The following ATRX variants were observed in gnomAD, a reference collection of about 807,000 sequenced individuals.
The protein encoded by ATRX is chromatin remodeler ATRX.
A neutral mutation model predicts 172.6 loss-of-function variants in ATRX; 12 were observed. The observed-to-expected ratio is 0.07, with a 90% confidence interval of 0.04 to 0.11. ATRX has a LOEUF of 0.11. ATRX is among the 10% of genes least tolerant of loss of function. The pLI, the probability that ATRX is intolerant of heterozygous loss-of-function variation, is 1.00. For missense variants in ATRX, 1,368 were observed against 1,767.4 expected, an observed-to-expected ratio of 0.77 and a Z score of 4.05; for synonymous variants, 674 against 594.7, an observed-to-expected ratio of 1.13 and a Z score of -1.94.
At position 77,504,888 on chromosome X, in the gene ATRX, A is replaced by T. The variant is rs1489500957; in HGVS notation, c.*3463T>A. ...AGCTTTGACACAGTATATATTTCGG[A>T]TTTAAAACTTTATTCACCCCATATA... On this transcript the variant is annotated 3_prime_UTR_variant, in exon 35 of 35. Coordinates refer to ENST00000373344, the MANE Select transcript of ATRX (RefSeq NM_000489.6). The T allele has an allele frequency of 1.4e-5, 2 of 145,769 alleles. No individual in the cohort carries two copies. Among genetic ancestry groups the T allele is most frequent in the Non-Finnish European group, 2.7e-5 (2 of 73,807 alleles). The allele number at this position is 145,769 out of a possible 1,213,427, so 12.0% of individuals were successfully genotyped here.
chrX:77,654,009 T>C, intron 14 of ATRX, 89 bp downstream of exon 14: 1 of 761,933 alleles, frequency 1.3e-6, no homozygotes, highest in African/African-American at 2.0e-5. Flanking sequence ...TACAATACAA[T>C]GAATGAATGG....
At chrX:77,725,755 A>T (rs1451930975) in intron 1 of ATRX, among the ~76,000 whole-genome samples, 4 of 112,188 alleles carry the variant, frequency 3.6e-5, no homozygotes, top group African/African-American at 9.7e-5. Context: ...GAATCTACAA[A>T]GAACTTAAAC....
intron 2 of ATRX, among the ~76,000 whole-genome samples, chrX:77,714,324 A>G (rs1302246401): frequency 9.0e-6 from 1 of 111,617 alleles, no homozygotes; most frequent in Non-Finnish European, 1.9e-5. Context: ...TAGCCCGAGA[A>G]GGGTCCAGCA....
chrX:77,631,605 A>C (rs1320403173), intron 19 of ATRX, among the ~76,000 whole-genome samples: 1 of 112,186 alleles, frequency 8.9e-6, no homozygotes, highest in African/African-American at 3.2e-5. Context: ...TATTCTTTCA[A>C]AACCTCAGTC....
chrX:77,652,489 A>C, intron 14 of ATRX, 136 bp from the exon 15 acceptor site: 1 of 453,954 alleles, frequency 2.2e-6, no homozygotes, highest in Non-Finnish European at 3.3e-6. Flanking sequence ...TCAGCAATAG[A>C]GTAGTATTAA....
Position 77,633,448 on chromosome X carries a change from C to A in ATRX, c.4957-64G>T. 7 of 1,119,737 alleles carry A rather than the reference C, an allele frequency of 6.3e-6. No homozygotes were observed. In the South Asian group the frequency reaches 1.4e-4, roughly 23 times the overall value. 92.3% of individuals were successfully genotyped at this position (1,119,737 alleles called of 1,213,427 possible). A position where few individuals can be genotyped will look rare whatever the true frequency, so the allele number is the denominator to read the frequency against. ...AAAAACATGTGAATATTAAATATTC[C>A]CACTGAAATATGCATCACTGGTTAA... On this transcript the variant is annotated intron_variant, in intron 18 of 34. Coordinates refer to ENST00000373344, the MANE Select transcript of ATRX (RefSeq NM_000489.6).
chrX:77,686,580 G>T (rs1372445210), intron 7 of ATRX, among the ~76,000 whole-genome samples: 1 of 110,368 alleles, frequency 9.1e-6, no homozygotes, highest in Non-Finnish European at 1.9e-5. Flanking sequence ...GCCGGGCGTG[G>T]TGGCAAGCGC....
chrX:77,764,095 C>G (rs914248369), intron 1 of ATRX, among the ~76,000 whole-genome samples: 1 of 110,853 alleles, frequency 9.0e-6, no homozygotes, highest in Non-Finnish European at 1.9e-5. Flanking sequence ...GCCTGGGAGA[C>G]AGAGTGAGAC....
At chrX:77,723,441 G>A (rs1432053342) in intron 1 of ATRX, among the ~76,000 whole-genome samples, 1 of 111,771 alleles carries the variant, frequency 8.9e-6, no homozygotes, top group African/African-American at 3.3e-5. Context: ...GAAAAGAAAT[G>A]AGATATAACA....
chrX:77,523,512 A>G (rs1173194457), intron 30 of ATRX, 111 bp from the exon 31 acceptor site: 20 of 742,380 alleles, frequency 2.7e-5, no homozygotes, highest in Admixed American at 6.1e-5. Flanking sequence ...ATTGCTATAT[A>G]TATTTCTGAT....
intron 30 of ATRX, among the ~76,000 whole-genome samples, chrX:77,536,495 C>T (rs2063753165): frequency 9.0e-6 from 1 of 111,730 alleles, no homozygotes; most frequent in Non-Finnish European, 1.9e-5. Flanking sequence ...TGTTAAAAGA[C>T]TTACATGTAT....
intron 1 of ATRX, among the ~76,000 whole-genome samples, chrX:77,768,499 TTTTA>T (rs2076050067): frequency 8.9e-6 from 1 of 112,426 alleles, no homozygotes; most frequent in Non-Finnish European, 1.9e-5. Context: ...GAAATTATCC[TTTTA>T]TTTTCTATTT....
intron 13 of ATRX, 81 bp downstream of exon 13, chrX:77,656,479 G>T: frequency 2.8e-6 from 2 of 721,355 alleles, no homozygotes; most frequent in East Asian, 3.2e-5. Context: ...AACTTTATTG[G>T]TAACAGTAAC....
At chrX:77,663,603 A>C in intron 11 of ATRX, 45 bp from the exon 12 acceptor site, 1 of 1,097,088 alleles carries the variant, frequency 9.1e-7, no homozygotes, top group Non-Finnish European at 1.2e-6. Context: ...CAGCCTTTAA[A>C]ATGCCTCGTA....
chrX:77,747,797 T>C (rs2075139921), intron 1 of ATRX, among the ~76,000 whole-genome samples: 1 of 111,719 alleles, frequency 9.0e-6, no homozygotes. Context: ...CTATATCTAA[T>C]CTTTATATAG....
At chrX:77,598,037 T>G (rs1557084872) in intron 25 of ATRX, among the ~76,000 whole-genome samples, 3 of 111,869 alleles carry the variant, frequency 2.7e-5, no homozygotes, top group Non-Finnish European at 5.6e-5. Flanking sequence ...TCAACCCAGG[T>G]GCCCATCAAC....
In ATRX at chrX:77,546,964, G is replaced by A. The variant is rs183071986; in HGVS notation, c.6699+10487C>T. Among the ~76,000 whole-genome samples the A allele has an allele frequency of 8.0e-5, 9 of 111,904 alleles. 1 individual carries two copies. The highest frequency in any genetic ancestry group is 7.6e-4 in the Admixed American group (8 of 10,516). ...GAATACTTGCTATGTGCTATATTAT[G>A]TATTATGCCAGGTATTGGGGATAGA... On this transcript the variant is annotated intron_variant, in intron 30 of 34. Coordinates refer to ENST00000373344, the MANE Select transcript of ATRX (RefSeq NM_000489.6).
At chrX:77,777,023 A>G (rs978614087) in intron 1 of ATRX, among the ~76,000 whole-genome samples, 11 of 109,698 alleles carry the variant, frequency 1.0e-4, no homozygotes, top group African/African-American at 3.6e-4. Context: ...ACAGTGCAAA[A>G]GCAGCCACAG....
At chrX:77,700,172 G>GA (rs1242204288) in intron 2 of ATRX, among the ~76,000 whole-genome samples, 7 of 108,172 alleles carry the variant, frequency 6.5e-5, no homozygotes, top group East Asian at 5.7e-4. Flanking sequence ...TTAAAGCAAG[G>GA]AAAAAAAAAG....
Sources: allele counts gnomAD v4.1 joint callset (sites outside exome capture counted in the v4.1 genomes callset), GRCh38; gene constraint gnomAD v4.1.1; transcripts MANE v1.5; gene names NCBI Gene and HGNC (gene_info 2026-07-23, HGNC 2026-07-21).